Variants in PAPOLG observed in about 807,000 individuals in gnomAD.
The protein encoded by PAPOLG is PAP-gamma.
PAPOLG carries 40 observed loss-of-function variants against 99.0 expected under a neutral mutation model. The ratio of observed to expected loss-of-function variants is 0.40; its 90% confidence interval spans 0.31 to 0.53. The LOEUF is 0.53. Ranked by LOEUF, PAPOLG falls within the 20% of genes least tolerant of loss-of-function variation. PAPOLG has a pLI of 0.41. For synonymous variants in PAPOLG, 310 were observed against 299.3 expected (o/e 1.04, Z -0.37); for missense variants, 675 against 884.1 (o/e 0.76, Z 3.00).
At chr2:60,759,722 T>G (rs1033203623) in intron 1 of PAPOLG, among the ~76,000 whole-genome samples, 1 of 152,202 alleles carries the variant, frequency 6.6e-6, no homozygotes, top group African/African-American at 2.4e-5. Flanking sequence ...AACCCATTGT[T>G]TTTACTAAAA....
intron 13 of PAPOLG, 107 bp from the exon 14 acceptor site, chr2:60,786,840 T>A: frequency 7.2e-7 from 1 of 1,392,064 alleles, no homozygotes; most frequent in Non-Finnish European, 9.6e-7. Context: ...CGAAGTTTTT[T>A]AATGAACATG....
chr2:60,767,902 A>C (rs1486910026), intron 3 of PAPOLG, among the ~76,000 whole-genome samples: 17 of 152,224 alleles, frequency 1.1e-4, no homozygotes, highest in Admixed American at 1.1e-3. Context: ...GTGATTAAAA[A>C]GAAAAGCTTT....
chr2:60,786,041 A>G lies in PAPOLG; in HGVS notation c.1167-906A>G, dbSNP rs369864896. The stretch of plus-strand genomic sequence containing the variant: ...ATCTACTAACTTGTCATTTACTACA[A>G]TGGCGTTTTAAATGGGGTTCCTAAT... On this transcript the variant is annotated intron_variant, in intron 13 of 21. Coordinates refer to ENST00000238714, the MANE Select transcript of PAPOLG (RefSeq NM_022894.4). Among the ~76,000 whole-genome samples, 5 of 152,340 alleles carry G rather than the reference A, an allele frequency of 3.3e-5. No individual in the cohort carries two copies. The South Asian group carries it at 8.3e-4, about 25-fold the overall frequency.
chr2:60,787,032 C>A lies in PAPOLG; in HGVS notation c.1252C>A (p.Gln418Lys). Residue 418 changes from glutamine to lysine, a missense_variant, in exon 14 of 22, where the codon CAG becomes AAG. Transcript: ENST00000238714. ...TATTACTCTTGCCCATGTGAATCCC[C>A]AGTCATTCCCAGGGAATAAGGAACA... is the stretch of plus-strand genomic sequence containing the variant. ...EFITLAHVNP[Q>K]SFPGNKEHHK... The A allele has an allele frequency of 1.2e-6, 2 of 1,611,718 alleles. No homozygotes were observed. The highest frequency in any genetic ancestry group is 2.2e-5 in the South Asian group (2 of 90,822).
In PAPOLG at chr2:60,760,142, T is replaced by A. The variant is rs373117611; in HGVS notation, c.26T>A (p.Val9Glu). Residue 9 changes from valine to glutamate, a missense_variant, in exon 2 of 22, where the codon GTG (valine) becomes GAG (glutamate). This residue lies in a region of PAPOLG where 149 missense variants were observed against 192.1 expected (regional missense o/e 0.78). Coordinates refer to ENST00000238714, the MANE Select transcript of PAPOLG (RefSeq NM_022894.4). MKEMSANT[V>E]LDSQRQQKHY... is the part of the protein sequence containing the mutation. ...CTTATTTTCTTGAACAGAAACACCG[T>A]GCTGGACAGCCAGCGTCAACAAAAG... is the stretch of plus-strand genomic sequence containing the variant. The A allele has an allele frequency of 6.2e-7, 1 of 1,614,084 alleles. No individual in the cohort carries two copies. The highest frequency in any genetic ancestry group is 8.5e-7 in the Non-Finnish European group (1 of 1,179,978).
chr2:60,790,423 G>C (rs1671495910), intron 15 of PAPOLG, among the ~76,000 whole-genome samples: 2 of 152,188 alleles, frequency 1.3e-5, no homozygotes. Flanking sequence ...CCTGTCTTCA[G>C]TGGGCTTATA....
chr2:60,756,605 C>A, intron 1 of PAPOLG, 110 bp downstream of exon 1: 1 of 1,213,278 alleles, frequency 8.2e-7, no homozygotes, highest in Non-Finnish European at 1.1e-6. Flanking sequence ...ACGCAGCTCG[C>A]CGGGATGGTC....
chr2:60,771,016 T>C (rs1670836832), intron 6 of PAPOLG, among the ~76,000 whole-genome samples: 2 of 152,222 alleles, frequency 1.3e-5, no homozygotes, highest in Non-Finnish European at 2.9e-5. Context: ...CCTTATTTCC[T>C]AGATATGACA....
rs1455582295 is a variant in PAPOLG at position 60,799,727 on chromosome 2, C to G, written c.*2567C>G. On this transcript the variant is annotated 3_prime_UTR_variant, in exon 22 of 22. Transcript: ENST00000238714. ...GCAACCTTCACCTCCCGAGTTCAAG[C>G]TATTCTCTTGCCTCAGCCTCCCAAG... The G allele has an allele frequency of 6.6e-6, 1 of 152,238 alleles. No individual in the cohort carries two copies. Among genetic ancestry groups the G allele is most frequent in the Non-Finnish European group, 1.5e-5 (1 of 68,120 alleles). 9.4% of individuals were successfully genotyped at this position (152,238 alleles called of 1,614,324 possible).
In PAPOLG at chr2:60,800,442, C is replaced by T. The variant is rs1671816378; in HGVS notation, c.*3282C>T. 1 of 152,294 alleles carries T rather than the reference C, an allele frequency of 6.6e-6. No individual in the cohort carries two copies. The highest frequency in any genetic ancestry group is 6.5e-5 in the Admixed American group (1 of 15,280). The allele number at this position is 152,294 out of a possible 1,614,324, so 9.4% of individuals were successfully genotyped here. ...AAGTGATCTGGCTGCTTCGGCCACC[C>T]TAAGTGCTGGGATTACAGGCATAAG... On this transcript the variant is annotated 3_prime_UTR_variant, in exon 22 of 22. Coordinates refer to ENST00000238714, the MANE Select transcript of PAPOLG (RefSeq NM_022894.4).
intron 7 of PAPOLG, 66 bp downstream of exon 7, chr2:60,771,696 G>C (rs892154671): frequency 2.6e-6 from 4 of 1,520,650 alleles, no homozygotes; most frequent in Non-Finnish European, 3.5e-6. Flanking sequence ...AGATATTTTT[G>C]CTGAATTGAC....
At position 60,794,204 on chromosome 2, in the gene PAPOLG, C is replaced by T; in HGVS notation, c.1989+13C>T. 6.2e-7 allele frequency: 1 copy of T among 1,605,930 alleles called. No homozygotes were observed. The highest frequency in any genetic ancestry group is 8.5e-7 in the Non-Finnish European group (1 of 1,174,650). On this transcript the variant is annotated intron_variant, in intron 19 of 21. Coordinates refer to ENST00000238714, the MANE Select transcript of PAPOLG (RefSeq NM_022894.4). ...AGACGTAGAAAAGGTAAAGTTACAA[C>T]TTTAGTGGTAATTCAGTAGTTGATA... is the stretch of plus-strand genomic sequence containing the variant.
At chr2:60,758,095 C>T (rs1434197350) in intron 1 of PAPOLG, among the ~76,000 whole-genome samples, 4 of 152,106 alleles carry the variant, frequency 2.6e-5, no homozygotes, top group Admixed American at 6.6e-5. Flanking sequence ...AGGATTATTG[C>T]GATTGAGTGA....
At chr2:60,782,598 T>G in intron 11 of PAPOLG, 88 bp from the exon 12 acceptor site, 18 of 1,343,998 alleles carry the variant, frequency 1.3e-5, no homozygotes, top group East Asian at 7.0e-5. Flanking sequence ...GAGTTTGAGA[T>G]TTTGTAGTAG....
intron 3 of PAPOLG, among the ~76,000 whole-genome samples, chr2:60,763,832 C>G (rs1329987464): frequency 6.6e-6 from 1 of 151,954 alleles, no homozygotes; most frequent in African/African-American, 2.4e-5. Flanking sequence ...GAGACATGGT[C>G]TCTCTCTGTT....
intron 8 of PAPOLG, among the ~76,000 whole-genome samples, chr2:60,777,184 A>G (rs1671045398): frequency 6.6e-6 from 1 of 152,112 alleles, no homozygotes; most frequent in Non-Finnish European, 1.5e-5. Flanking sequence ...AGCCAGGCGC[A>G]GTGGCTCACA....
At chr2:60,789,513 G>C (rs150373574) in intron 15 of PAPOLG, among the ~76,000 whole-genome samples, 1 of 152,072 alleles carries the variant, frequency 6.6e-6, no homozygotes, top group Non-Finnish European at 1.5e-5. Context: ...TGGGATTACA[G>C]GTGTCAACCA....
At chr2:60,761,267 A>T (rs1157101898) in intron 2 of PAPOLG, among the ~76,000 whole-genome samples, 1 of 152,216 alleles carries the variant, frequency 6.6e-6, no homozygotes, top group East Asian at 1.9e-4. Context: ...ACCATTGGTT[A>T]TAAGTTGTTT....
intron 1 of PAPOLG, among the ~76,000 whole-genome samples, chr2:60,758,912 TG>T (rs998215201): frequency 1.3e-5 from 2 of 152,348 alleles, no homozygotes. Context: ...TTCTTACTCT[TG>T]GTGTTAATGG....
Sources: allele counts gnomAD v4.1 joint callset (sites outside exome capture counted in the v4.1 genomes callset), GRCh38; gene constraint gnomAD v4.1.1; regional missense constraint gnomAD v4.1.1; transcripts MANE v1.5; gene names NCBI Gene and HGNC (gene_info 2026-07-23, HGNC 2026-07-21).